The following FMN1 variants were observed in gnomAD, a reference collection of about 807,000 sequenced individuals.
FMN1 encodes formin-1.
In FMN1, 110 loss-of-function variants were observed where a neutral mutation model predicts 132.4. The observed-to-expected ratio is 0.83, with a 90% CI of 0.71 to 0.97. The LOEUF (loss-of-function observed/expected upper bound fraction) is 0.97, where lower values mean the gene tolerates loss of function less well. FMN1 is among the 50% of genes least tolerant of loss of function. The pLI is 0.00. For synonymous variants in FMN1, 722 were observed against 651.7 expected, an observed-to-expected ratio of 1.11 and a Z score of -1.64; for missense variants, 1,792 against 1,705.3, an observed-to-expected ratio of 1.05 and a Z score of -0.90.
At chr15:33,122,979 A>G (rs992862078) in intron 4 of FMN1, among the ~76,000 whole-genome samples, 3 of 152,062 alleles carry the variant, frequency 2.0e-5, no homozygotes, top group African/African-American at 7.3e-5. Flanking sequence ...CTAGGTAATT[A>G]ATGTCACAAA....
At chr15:32,962,278 T>A (rs979022424) in intron 9 of FMN1, among the ~76,000 whole-genome samples, 39 of 152,262 alleles carry the variant, frequency 2.6e-4, no homozygotes, top group Admixed American at 1.8e-3. Context: ...AGTCGAAAAC[T>A]GGCTAGCCAT....
At chr15:33,121,976 A>G (rs1962603303) in intron 4 of FMN1, among the ~76,000 whole-genome samples, 3 of 152,362 alleles carry the variant, frequency 2.0e-5, no homozygotes, top group Admixed American at 2.0e-4. Context: ...TCATTTACCA[A>G]AAGTGTACTG....
chr15:33,031,266 A>C (rs556639107), intron 6 of FMN1, among the ~76,000 whole-genome samples: 2 of 152,170 alleles, frequency 1.3e-5, no homozygotes, highest in Non-Finnish European at 2.9e-5. Context: ...AGGAAGACAA[A>C]AAACCATCAT....
intron 15 of FMN1, 102 bp downstream of exon 15, chr15:32,898,732 A>G: frequency 1.3e-6 from 1 of 753,618 alleles, no homozygotes; most frequent in Non-Finnish European, 2.3e-6. Flanking sequence ...CTCATATTCT[A>G]TGTTGGGCTT....
At chr15:32,909,043 C>T (rs938547066) in intron 11 of FMN1, among the ~76,000 whole-genome samples, 13 of 152,206 alleles carry the variant, frequency 8.5e-5, no homozygotes, top group Admixed American at 3.9e-4. Context: ...TTCGTAAGCA[C>T]TCATTGTCTG....
At chr15:32,863,729 G>A (rs541866013) in intron 16 of FMN1, among the ~76,000 whole-genome samples, 2 of 152,156 alleles carry the variant, frequency 1.3e-5, no homozygotes, top group Non-Finnish European at 2.9e-5. Context: ...GAACAGGACC[G>A]TCTAGTGCAC....
At chr15:33,016,725 T>C (rs891963089) in intron 6 of FMN1, among the ~76,000 whole-genome samples, 4 of 152,144 alleles carry the variant, frequency 2.6e-5, no homozygotes, top group African/African-American at 9.7e-5. Context: ...ACTCCACTGT[T>C]TGATGATTGA....
At chr15:32,869,903 G>A (rs949390415) in intron 16 of FMN1, among the ~76,000 whole-genome samples, 6 of 152,164 alleles carry the variant, frequency 3.9e-5, no homozygotes, top group African/African-American at 9.7e-5. Context: ...AGGGAAGTTG[G>A]GGGTGCGGGG....
At chr15:32,893,627 A>C (rs931219564) in intron 15 of FMN1, among the ~76,000 whole-genome samples, 4 of 152,246 alleles carry the variant, frequency 2.6e-5, no homozygotes, top group Non-Finnish European at 4.4e-5. Flanking sequence ...TTAGGCTCCT[A>C]GAGGAAAGGG....
chr15:33,126,210 C>CT (rs1963051871), intron 4 of FMN1, among the ~76,000 whole-genome samples: 1 of 150,254 alleles, frequency 6.7e-6, no homozygotes, highest in Non-Finnish European at 1.5e-5. Context: ...TAAGCACCAC[C>CT]TAAAGACAGA....
chr15:32,823,555 A>G (rs763129504), intron 17 of FMN1, among the ~76,000 whole-genome samples: 10 of 152,300 alleles, frequency 6.6e-5, no homozygotes, highest in Admixed American at 2.6e-4. Flanking sequence ...CGTTATTCCA[A>G]GAAAACTGCT....
intron 19 of FMN1, among the ~76,000 whole-genome samples, chr15:32,777,544 A>ATATTACGTATAACATATAACACTT (rs2056471701): frequency 6.8e-6 from 1 of 147,432 alleles, no homozygotes; most frequent in African/African-American, 2.5e-5. Flanking sequence ...TAACATTTAT[A>ATATTACGTATAACATATAACACTT]TATTACGTAT....
intron 7 of FMN1, among the ~76,000 whole-genome samples, chr15:32,988,713 C>CCA (rs1348309648): frequency 6.6e-6 from 1 of 152,168 alleles, no homozygotes; most frequent in African/African-American, 2.4e-5. Context: ...TACAGGGTGG[C>CCA]CAACTTCCTT....
chr15:33,084,880 T>C (rs1289571227), intron 5 of FMN1, among the ~76,000 whole-genome samples: 1 of 152,220 alleles, frequency 6.6e-6, no homozygotes, highest in African/African-American at 2.4e-5. Context: ...TGAGATGTTT[T>C]ACCTTTCATC....
chr15:32,886,622 G>T (rs954307737), intron 16 of FMN1, among the ~76,000 whole-genome samples: 1 of 152,214 alleles, frequency 6.6e-6, no homozygotes, highest in Admixed American at 6.5e-5. Flanking sequence ...GAAGGGAAAA[G>T]ATCAAACAGG....
At chr15:33,125,039 G>A (rs1376372789) in intron 4 of FMN1, among the ~76,000 whole-genome samples, 1 of 152,022 alleles carries the variant, frequency 6.6e-6, no homozygotes, top group Non-Finnish European at 1.5e-5. Context: ...ACTCTATCAT[G>A]GAATGCTTAA....
In FMN1 at chr15:32,892,566, G is replaced by A. The variant is rs187111993; in HGVS notation, c.3715-4274C>T. On this transcript the variant is annotated intron_variant, in intron 15 of 20. Coordinates refer to ENST00000616417, the MANE Select transcript of FMN1 (RefSeq NM_001277313.2). Reference sequence around the variant, plus strand: ...TGATTTTGGTATTAGGGTGACGCTTGCTTCATAAAATAAATTAGGGAGGCT... The same window carrying A: ...TGATTTTGGTATTAGGGTGACGCTTACTTCATAAAATAAATTAGGGAGGCT... Among the ~76,000 whole-genome samples the A allele has an allele frequency of 2.6e-3, 400 of 152,210 alleles. 2 individuals carry two copies. The highest frequency in any genetic ancestry group is 9.4e-3 in the African/African-American group (389 of 41,516).
intron 7 of FMN1, among the ~76,000 whole-genome samples, chr15:32,975,204 A>C (rs1175515626): frequency 6.6e-6 from 1 of 152,184 alleles, no homozygotes; most frequent in Non-Finnish European, 1.5e-5. Flanking sequence ...TTGTTTCCAA[A>C]GAACATTCTA....
At chr15:33,005,140 G>A (rs2034345919) in intron 7 of FMN1, among the ~76,000 whole-genome samples, 1 of 151,700 alleles carries the variant, frequency 6.6e-6, no homozygotes, top group Non-Finnish European at 1.5e-5. Context: ...GTATACATAT[G>A]TAACAAACCT....
Sources: gnomAD v4.1 joint callset for allele counts (sites outside exome capture counted in the v4.1 genomes callset) on GRCh38, gnomAD v4.1.1 for gene constraint, MANE v1.5 for transcripts, NCBI Gene and HGNC (gene_info 2026-07-23, HGNC 2026-07-21) for gene names.